Variants in RTN1 observed in about 807,000 individuals in gnomAD.
RTN1 encodes reticulon-1.
In RTN1, 25 loss-of-function variants were observed where a neutral mutation model predicts 65.5. That is an observed-to-expected ratio of 0.38 (90% CI 0.28 to 0.53). The LOEUF is 0.53. RTN1 is among the 20% of genes least tolerant of loss of function. The probability of loss-of-function intolerance (pLI) is 0.79; values close to 1 mark genes in which losing one functional copy is unlikely to be tolerated. For missense variants in RTN1, 983 were observed against 1,025.4 expected (o/e 0.96, Z 0.57); for synonymous variants, 471 against 447.6 (o/e 1.05, Z -0.66).
intron 3 of RTN1, among the ~76,000 whole-genome samples, chr14:59,651,537 A>G (rs947598529): frequency 3.3e-5 from 5 of 152,162 alleles, no homozygotes; most frequent in African/African-American, 1.2e-4. Context: ...CAGGAGTTCG[A>G]GATCAGCCTG....
rs1364987762 is a variant in RTN1 at position 59,803,786 on chromosome 14, G to A, written c.242-57305C>T. 6.6e-6 allele frequency among the ~76,000 whole-genome samples: 1 copy of A among 152,206 alleles called. No individual in the cohort carries two copies. Among genetic ancestry groups the A allele is most frequent in the Non-Finnish European group, 1.5e-5 (1 of 68,038 alleles). ...AGCAAATGAGGCAGTATGCAGGTAG[G>A]TGGTTTAGGCCTCTCAACTTGAAGA... is the stretch of plus-strand genomic sequence containing the variant. On this transcript the variant is annotated intron_variant, in intron 1 of 8. Transcript: ENST00000267484. This position sits in a 1 kb window ranked among gnomAD's most constrained non-coding sequence, Gnocchi z 5.6.
chr14:59,842,609 T>G (rs1232527526), intron 1 of RTN1, among the ~76,000 whole-genome samples: 2 of 152,222 alleles, frequency 1.3e-5, no homozygotes, highest in South Asian at 2.1e-4. Context: ...AAAACCACTA[T>G]CTATTAACTT....
chr14:59,750,232 A>ATAT (rs1172395475), intron 1 of RTN1, among the ~76,000 whole-genome samples: 697 of 27,226 alleles, frequency 0.026, 128 homozygotes, highest in African/African-American at 0.082. Context: ...TATCTATAAT[A>ATAT]TATATATTAT....
At chr14:59,684,639 A>T (rs1034527346) in intron 3 of RTN1, among the ~76,000 whole-genome samples, 2 of 152,038 alleles carry the variant, frequency 1.3e-5, no homozygotes, top group Non-Finnish European at 2.9e-5. Flanking sequence ...ACAATTTCTT[A>T]TGTTTTATAC....
At chr14:59,750,278 T>C (rs1243956040) in intron 1 of RTN1, among the ~76,000 whole-genome samples, 9 of 70,536 alleles carry the variant, frequency 1.3e-4, no homozygotes, top group Non-Finnish European at 7.0e-5. Flanking sequence ...ATCTATAATA[T>C]ATAATATATA....
intron 3 of RTN1, among the ~76,000 whole-genome samples, chr14:59,694,847 A>G (rs1884030581): frequency 6.6e-6 from 1 of 152,202 alleles, no homozygotes; most frequent in African/African-American, 2.4e-5. Context: ...AGCCACAGAA[A>G]GAAAAAGGAG....
Position 59,746,247 on chromosome 14 carries a change from C to T in RTN1, c.476G>A (p.Arg159His), listed in dbSNP as rs200207910. The T allele has an allele frequency of 1.4e-5, 22 of 1,612,840 alleles. No individual in the cohort carries two copies. The highest frequency in any genetic ancestry group is 4.5e-5 in the East Asian group (2 of 44,880). The change falls in exon 2 of 9, where the codon CGT (arginine) becomes CAT (histidine). Residue 159 changes from arginine to histidine, a missense_variant. This residue lies in a region of RTN1 where 818 missense variants were observed against 801.8 expected (regional missense o/e 1.02). Coordinates refer to ENST00000267484, the MANE Select transcript of RTN1 (RefSeq NM_021136.3). ...TCCAGAATCAGAACTAAATAAGCCACGAGACTCTATCCCAGGCACATCTGG... is the reference window on the plus strand; with the variant it reads ...TCCAGAATCAGAACTAAATAAGCCATGAGACTCTATCCCAGGCACATCTGG... ...SLPDVPGIES[R>H]GLFSSDSGIE...
At chr14:59,813,105 T>C (rs925811623) in intron 1 of RTN1, among the ~76,000 whole-genome samples, 1 of 152,134 alleles carries the variant, frequency 6.6e-6, no homozygotes, top group Non-Finnish European at 1.5e-5. Context: ...ATTGTAAAGG[T>C]GGCATTTCAA....
chr14:59,682,334 A>T (rs1883762338), intron 3 of RTN1, among the ~76,000 whole-genome samples: 1 of 152,050 alleles, frequency 6.6e-6, no homozygotes, highest in South Asian at 2.1e-4. Flanking sequence ...TATTTTATTT[A>T]TTTGAACAAG....
chr14:59,721,286 A>G (rs1171090593), intron 3 of RTN1, among the ~76,000 whole-genome samples: 1 of 152,226 alleles, frequency 6.6e-6, no homozygotes, highest in Non-Finnish European at 1.5e-5. Flanking sequence ...AGAGGAGGCC[A>G]TGGGTGAGCA....
At chr14:59,608,149 G>C (rs890332477) in intron 3 of RTN1, among the ~76,000 whole-genome samples, 2 of 151,934 alleles carry the variant, frequency 1.3e-5, no homozygotes, top group Admixed American at 6.6e-5. Context: ...TTCCAGTCCC[G>C]GGATATAAAA....
At chr14:59,675,052 T>TAC (rs5809041) in intron 3 of RTN1, among the ~76,000 whole-genome samples, 60,817 of 148,042 alleles carry the variant, frequency 0.41, 12,487 homozygotes, top group East Asian at 0.45. Flanking sequence ...TGCAGATGAA[T>TAC]ACACACACAC....
At chr14:59,737,610 A>T (rs1885027248) in intron 2 of RTN1, among the ~76,000 whole-genome samples, 1 of 152,142 alleles carries the variant, frequency 6.6e-6, no homozygotes, top group South Asian at 2.1e-4. Context: ...TAGATTCAAC[A>T]TTATTCCCAT....
intron 3 of RTN1, among the ~76,000 whole-genome samples, chr14:59,698,515 G>T (rs1594684980): frequency 6.6e-6 from 1 of 152,232 alleles, no homozygotes; most frequent in South Asian, 2.1e-4. Context: ...AATTGTGGGG[G>T]CAAGTCTTTC....
At chr14:59,641,532 G>C (rs1034476700) in intron 3 of RTN1, among the ~76,000 whole-genome samples, 1 of 151,918 alleles carries the variant, frequency 6.6e-6, no homozygotes, top group Non-Finnish European at 1.5e-5. Context: ...ACCACACACA[G>C]CTAATTTTTT....
chr14:59,647,571 G>A (rs1007876104), intron 3 of RTN1, among the ~76,000 whole-genome samples: 2 of 152,164 alleles, frequency 1.3e-5, no homozygotes, highest in Non-Finnish European at 2.9e-5. Flanking sequence ...TTCAGCAAAT[G>A]TAAAAGAACT....
chr14:59,619,182 T>G (rs1273575737), intron 3 of RTN1, among the ~76,000 whole-genome samples: 2 of 152,190 alleles, frequency 1.3e-5, no homozygotes, highest in African/African-American at 4.8e-5. Flanking sequence ...GAGGAAGAGC[T>G]AATTAAGGGT....
chr14:59,798,492 A>G (rs1286720567), intron 1 of RTN1, among the ~76,000 whole-genome samples: 1 of 152,198 alleles, frequency 6.6e-6, no homozygotes, highest in African/African-American at 2.4e-5. Flanking sequence ...GGAGGCTCTA[A>G]GAGAAAAAGT....
At chr14:59,712,907 C>T (rs1389455710) in intron 3 of RTN1, among the ~76,000 whole-genome samples, 3 of 114,774 alleles carry the variant, frequency 2.6e-5, no homozygotes, top group Non-Finnish European at 5.1e-5. Context: ...AGTGAAACTC[C>T]ATCTCAAAAA....
Sources: allele counts gnomAD v4.1 joint callset (sites outside exome capture counted in the v4.1 genomes callset), GRCh38; gene constraint gnomAD v4.1.1; regional missense constraint gnomAD v4.1.1; non-coding constraint Gnocchi (gnomAD v3.1); transcripts MANE v1.5; gene names NCBI Gene and HGNC (gene_info 2026-07-23, HGNC 2026-07-21).